The following MYO3A variants were observed in gnomAD, a reference collection of about 807,000 sequenced individuals.
The protein encoded by MYO3A is myosin-IIIa.
Under a neutral mutation model 192.7 loss-of-function variants are expected in MYO3A, and 180 were observed. The observed-to-expected ratio is 0.93, with a 90% confidence interval of 0.83 to 1.06. MYO3A has a LOEUF of 1.06. Ranked by LOEUF, MYO3A falls within the 50% of genes least tolerant of loss-of-function variation. The pLI is 0.00. For synonymous variants in MYO3A, 628 were observed against 645.3 expected (o/e 0.97, Z 0.41); for missense variants, 1,896 against 1,905.0 (o/e 1.00, Z 0.09).
chr10:26,199,305 C>CA (rs1843566037), intron 32 of MYO3A, among the ~76,000 whole-genome samples: 1 of 152,202 alleles, frequency 6.6e-6, no homozygotes, highest in Non-Finnish European at 1.5e-5. Context: ...GTAATCCCAG[C>CA]ACTTGGAGAG....
intron 4 of MYO3A, among the ~76,000 whole-genome samples, chr10:25,989,068 G>A (rs74558043): frequency 0.096 from 14,457 of 149,982 alleles, 1,233 homozygotes; most frequent in African/African-American, 0.22. Flanking sequence ...AGCCTACCAA[G>A]TAGCTGAACC....
intron 20 of MYO3A, among the ~76,000 whole-genome samples, chr10:26,135,963 T>C (rs1226857386): frequency 1.0e-4 from 9 of 89,528 alleles, no homozygotes; most frequent in Admixed American, 1.2e-4. Context: ...CAAAACTCCA[T>C]CTCAAAAAAA....
intron 20 of MYO3A, among the ~76,000 whole-genome samples, chr10:26,132,030 A>G (rs765100603): frequency 4.6e-4 from 70 of 152,336 alleles, no homozygotes; most frequent in African/African-American, 1.6e-3. Context: ...TGTGTCATAC[A>G]CTGTCAACTT....
chr10:26,194,110 C>A (rs1438153349), intron 32 of MYO3A, among the ~76,000 whole-genome samples: 1 of 152,170 alleles, frequency 6.6e-6, no homozygotes, highest in Non-Finnish European at 1.5e-5. Flanking sequence ...CATTTCCCCC[C>A]TCTAATCTCA....
At chr10:26,095,278 A>G (rs773806720) in intron 15 of MYO3A, among the ~76,000 whole-genome samples, 1 of 152,184 alleles carries the variant, frequency 6.6e-6, no homozygotes, top group Non-Finnish European at 1.5e-5. Flanking sequence ...TCTGGTTGAG[A>G]CATAATTAAT....
At chr10:26,103,500 C>T (rs984976636) in intron 17 of MYO3A, among the ~76,000 whole-genome samples, 19 of 152,246 alleles carry the variant, frequency 1.2e-4, no homozygotes, top group East Asian at 1.9e-4. Flanking sequence ...TGTTCCTATT[C>T]GGCCATCTTG....
At chr10:26,154,676 C>A in intron 24 of MYO3A, 70 bp from the exon 25 acceptor site, 1 of 1,403,026 alleles carries the variant, frequency 7.1e-7, no homozygotes, top group Non-Finnish European at 1.0e-6. Context: ...AAGGAAAATG[C>A]CACATGCTGT....
chr10:26,069,880 T>A (rs1835087141), intron 12 of MYO3A, among the ~76,000 whole-genome samples: 1 of 152,076 alleles, frequency 6.6e-6, no homozygotes, highest in South Asian at 2.1e-4. Context: ...TTAAATTACT[T>A]TATGTCATAT....
chr10:26,201,269 C>A lies in MYO3A; in HGVS notation c.4550C>A (p.Ser1517Ter). The A allele has an allele frequency of 1.3e-6, 2 of 1,565,232 alleles. No individual in the cohort carries two copies. Among genetic ancestry groups the A allele is most frequent in the South Asian group, 1.1e-5 (1 of 86,968 alleles). The change falls in exon 33 of 35, where the codon TCA becomes TAA. Residue 1517 changes from serine to a stop codon, truncating the protein, a stop_gained. Transcript: ENST00000642920. LOFTEE classifies it high-confidence loss of function. ...TTGAATTCTTCTTTCCTTTAGAAGT[C>A]AATCCAAGAAGAAAAACGAAGACCA... is the stretch of plus-strand genomic sequence containing the variant. ...DSTYYYLLHK[S>*]IQEEKRRPRK...
At chr10:26,129,023 A>G (rs1407519575) in intron 20 of MYO3A, among the ~76,000 whole-genome samples, 1 of 152,208 alleles carries the variant, frequency 6.6e-6, no homozygotes, top group Non-Finnish European at 1.5e-5. Flanking sequence ...GTAATTTATG[A>G]ATCAGCTTCA....
intron 14 of MYO3A, among the ~76,000 whole-genome samples, chr10:26,077,879 T>C (rs1473871715): frequency 3.3e-5 from 5 of 152,172 alleles, no homozygotes; most frequent in Non-Finnish European, 7.4e-5. Context: ...CTTTTTGATA[T>C]GTTGTTGGAC....
In MYO3A at chr10:26,032,346, G is replaced by A. The variant is rs533751744; in HGVS notation, c.953+5814G>A. Among the ~76,000 whole-genome samples, 17 of 152,312 alleles carry A rather than the reference G, an allele frequency of 1.1e-4. 1 individual carries two copies. The South Asian group carries it at 1.9e-3, about 17-fold the overall frequency. ...GTGTTAAAAGTACCGGCCAGGTGCC[G>A]TGGCTCACGCCTGTAATCCCAGCAC... On this transcript the variant is annotated intron_variant, in intron 10 of 34. Transcript: ENST00000642920.
chr10:26,077,279 GT>G (rs1015632423), intron 14 of MYO3A, among the ~76,000 whole-genome samples: 1 of 94,096 alleles, frequency 1.1e-5, no homozygotes, highest in Non-Finnish European at 2.3e-5. Context: ...AAGGGGTTGA[GT>G]TTTTTGTTTG....
At chr10:26,068,439 T>C (rs554250825) in intron 11 of MYO3A, among the ~76,000 whole-genome samples, 1 of 152,320 alleles carries the variant, frequency 6.6e-6, no homozygotes, top group Non-Finnish European at 1.5e-5. Context: ...CCTTTTCTCT[T>C]TACTTCGTTT....
chr10:26,026,568 A>T, intron 10 of MYO3A, 36 bp downstream of exon 10: 1 of 1,610,814 alleles, frequency 6.2e-7, no homozygotes, highest in African/African-American at 1.3e-5. Flanking sequence ...AAATCCAGAG[A>T]TTATTGAAAG....
intron 10 of MYO3A, among the ~76,000 whole-genome samples, chr10:26,036,748 C>T (rs1289739943): frequency 1.3e-5 from 2 of 152,316 alleles, no homozygotes; most frequent in South Asian, 4.1e-4. Flanking sequence ...CATACTGTAG[C>T]CCCTGGGGCC....
intron 29 of MYO3A, among the ~76,000 whole-genome samples, chr10:26,172,265 T>G (rs1842087080): frequency 6.6e-6 from 1 of 152,224 alleles, no homozygotes; most frequent in African/African-American, 2.4e-5. Context: ...AACCATTCCC[T>G]GTCAGAGCCC....
intron 10 of MYO3A, among the ~76,000 whole-genome samples, chr10:26,049,007 G>C (rs1419470295): frequency 6.6e-6 from 1 of 152,184 alleles, no homozygotes; most frequent in Non-Finnish European, 1.5e-5. Context: ...GAAGAGCAGA[G>C]AATGTGGTCT....
chr10:26,103,319 C>T (rs939589604), intron 17 of MYO3A, among the ~76,000 whole-genome samples: 6 of 152,150 alleles, frequency 3.9e-5, no homozygotes, highest in Non-Finnish European at 7.3e-5. Flanking sequence ...GGGAATTCCC[C>T]GACCCCTTGT....
Sources: gnomAD v4.1 joint callset for allele counts (sites outside exome capture counted in the v4.1 genomes callset) on GRCh38, gnomAD v4.1.1 for gene constraint, MANE v1.5 for transcripts, NCBI Gene and HGNC (gene_info 2026-07-23, HGNC 2026-07-21) for gene names.